Variants in THOC2 observed in about 807,000 individuals in gnomAD.
The protein encoded by THOC2 is THO complex subunit 2, also known as THO complex 2.
THOC2 carries 10 observed loss-of-function variants against 128.4 expected under a neutral mutation model. The observed-to-expected ratio is 0.08, with a 90% confidence interval of 0.05 to 0.13. The LOEUF (loss-of-function observed/expected upper bound fraction) is 0.13, where lower values mean the gene tolerates loss of function less well. THOC2 is among the 10% of genes least tolerant of loss of function. THOC2 has a pLI of 1.00. For missense variants in THOC2, 535 were observed against 1,155.7 expected (o/e 0.46, Z 7.79); for synonymous variants, 393 against 396.9 (o/e 0.99, Z 0.12).
At chrX:123,669,900 G>A (rs770064214) in intron 9 of THOC2, among the ~76,000 whole-genome samples, 25 of 111,463 alleles carry the variant, frequency 2.2e-4, no homozygotes, top group Admixed American at 1.6e-3. Context: ...AGTTTAAGCT[G>A]TTTCTCATAT....
intron 1 of THOC2, among the ~76,000 whole-genome samples, chrX:123,731,353 T>C (rs963289713): frequency 1.3e-4 from 14 of 111,098 alleles, no homozygotes; most frequent in African/African-American, 3.9e-4. Context: ...ATATGAGACA[T>C]AGTCCCTATA....
intron 18 of THOC2, among the ~76,000 whole-genome samples, chrX:123,637,041 C>G (rs770237380): frequency 9.0e-6 from 1 of 111,645 alleles, no homozygotes. Flanking sequence ...ATAAACAGAA[C>G]ATGGAGTGGG....
intron 9 of THOC2, among the ~76,000 whole-genome samples, chrX:123,670,491 C>A (rs1000779002): frequency 5.3e-5 from 6 of 112,382 alleles, no homozygotes; most frequent in Non-Finnish European, 1.1e-4. Context: ...TGGTGGCATG[C>A]GCCTGTAATC....
At chrX:123,637,555 T>G in intron 18 of THOC2, among the ~76,000 whole-genome samples, 1 of 109,100 alleles carries the variant, frequency 9.2e-6, no homozygotes, top group Admixed American at 9.8e-5. Context: ...AGGTCAGGAG[T>G]TCAAGACCAG....
At chrX:123,688,598 C>T (rs781285277) in intron 7 of THOC2, among the ~76,000 whole-genome samples, 1 of 110,590 alleles carries the variant, frequency 9.0e-6, no homozygotes, top group Non-Finnish European at 1.9e-5. Context: ...TGGCACATGC[C>T]TGTAGTCCCA....
At chrX:123,651,734 C>G (rs762831705) in intron 12 of THOC2, among the ~76,000 whole-genome samples, 13 of 107,250 alleles carry the variant, frequency 1.2e-4, no homozygotes, top group South Asian at 4.5e-4. Flanking sequence ...CGCCCCCCCC[C>G]CAAGACTAAA....
chrX:123,724,835 T>C (rs1313062924), intron 1 of THOC2, among the ~76,000 whole-genome samples: 1 of 111,546 alleles, frequency 9.0e-6, no homozygotes, highest in Non-Finnish European at 1.9e-5. Flanking sequence ...AGCTCAGGAG[T>C]TCGAGACCAG....
chrX:123,730,816 C>T (rs1236244438), intron 1 of THOC2, among the ~76,000 whole-genome samples: 3 of 111,787 alleles, frequency 2.7e-5, no homozygotes. Context: ...TGGTAGCACG[C>T]GCCTGTAGTC....
intron 3 of THOC2, among the ~76,000 whole-genome samples, chrX:123,705,659 A>G (rs192467048): frequency 1.4e-3 from 154 of 110,832 alleles, no homozygotes; most frequent in South Asian, 3.5e-3. Flanking sequence ...ATACACCCCA[A>G]TATGGGGTGG....
At chrX:123,730,139 GT>G (rs1431562612) in intron 1 of THOC2, among the ~76,000 whole-genome samples, 1 of 107,669 alleles carries the variant, frequency 9.3e-6, no homozygotes, top group East Asian at 2.9e-4. Context: ...CTAATAACAG[GT>G]TTTTTTGCTG....
chrX:123,657,114 C>T (rs1466568012), intron 12 of THOC2, among the ~76,000 whole-genome samples: 1 of 111,692 alleles, frequency 9.0e-6, no homozygotes, highest in African/African-American at 3.2e-5. Context: ...ATGAAGAATG[C>T]CTTTGATGGC....
chrX:123,659,400 G>A (rs755181267), intron 12 of THOC2, among the ~76,000 whole-genome samples: 6 of 112,246 alleles, frequency 5.3e-5, no homozygotes, highest in Non-Finnish European at 9.4e-5. Context: ...GTGAAACCCC[G>A]TCTCTGCTAA....
At chrX:123,682,057 CAA>C (rs1316826868) in intron 8 of THOC2, among the ~76,000 whole-genome samples, 2 of 109,804 alleles carry the variant, frequency 1.8e-5, no homozygotes, top group African/African-American at 6.6e-5. Context: ...AAACTCCATT[CAA>C]AAAAAGAAAA....
At chrX:123,686,886 T>C (rs2050020930) in intron 7 of THOC2, among the ~76,000 whole-genome samples, 172 bp from the exon 8 acceptor site, 1 of 112,427 alleles carries the variant, frequency 8.9e-6, no homozygotes, top group Non-Finnish European at 1.9e-5. Flanking sequence ...TACACATTTT[T>C]ACAGATGAGA....
At chrX:123,645,092 GAGGAA>G (rs1454562587) in intron 13 of THOC2, among the ~76,000 whole-genome samples, 183 bp from the exon 14 acceptor site, 2 of 112,094 alleles carry the variant, frequency 1.8e-5, no homozygotes, top group Admixed American at 9.5e-5. Context: ...AAAATGGGGT[GAGGAA>G]AGGAAAGGGG....
chrX:123,614,157 G>A lies in THOC2; in HGVS notation c.4344C>T (p.Ser1448=). Residue 1448 remains serine, a synonymous_variant, in exon 34 of 39, where the codon TCC becomes TCT. Transcript: ENST00000245838. ...TGTCCATTTCTCTCTCCTTACTCTT[G>A]GACAGTGGTGGAGGAGTATGATTAA... The part of the protein sequence containing the change: ...LYINHTPPPL[S]KSKEREMDKK... 3 of 1,198,063 alleles carry A rather than the reference G, an allele frequency of 2.5e-6. No homozygotes were observed. The highest frequency in any genetic ancestry group is 3.4e-6 in the Non-Finnish European group (3 of 887,025).
At chrX:123,701,535 G>A (rs751123352) in intron 4 of THOC2, among the ~76,000 whole-genome samples, 33 of 111,128 alleles carry the variant, frequency 3.0e-4, no homozygotes, top group Non-Finnish European at 4.7e-4. Flanking sequence ...GGGCCAATAA[G>A]CTGATAATTG....
chrX:123,718,388 A>C (rs956332772), intron 1 of THOC2, among the ~76,000 whole-genome samples: 1 of 112,118 alleles, frequency 8.9e-6, no homozygotes, highest in African/African-American at 3.2e-5. Context: ...CTGGGCTATA[A>C]TTTTTTAGAT....
intron 36 of THOC2, 152 bp downstream of exon 36, chrX:123,613,247 A>G (rs1244135871): frequency 1.0e-4 from 55 of 534,999 alleles, no homozygotes; most frequent in Middle Eastern, 1.1e-3. Flanking sequence ...CAAATTCCCC[A>G]AACGGAATGC....
Sources: gnomAD v4.1 joint callset for allele counts (sites outside exome capture counted in the v4.1 genomes callset) on GRCh38, gnomAD v4.1.1 for gene constraint, MANE v1.5 for transcripts, NCBI Gene and HGNC (gene_info 2026-07-23, HGNC 2026-07-21) for gene names.